The following NSUN7 variants were observed in gnomAD, a reference collection of about 807,000 sequenced individuals.
The protein encoded by NSUN7 is protein NSUN7.
A neutral mutation model predicts 58.5 loss-of-function variants in NSUN7; 39 were observed. The ratio of observed to expected loss-of-function variants is 0.67; its 90% CI spans 0.52 to 0.87. NSUN7 has a LOEUF of 0.87. Ranked by LOEUF, NSUN7 falls within the 40% of genes least tolerant of loss-of-function variation. The probability of loss-of-function intolerance (pLI) is 0.00; values close to 1 mark genes in which losing one functional copy is unlikely to be tolerated. For missense variants in NSUN7, 765 were observed against 844.1 expected (o/e 0.91, Z 1.16); for synonymous variants, 278 against 303.7 (o/e 0.92, Z 0.88).
chr4:40,783,334 G>A (rs1377575768), intron 7 of NSUN7, among the ~76,000 whole-genome samples: 2 of 152,126 alleles, frequency 1.3e-5, no homozygotes, highest in African/African-American at 4.8e-5. Flanking sequence ...AAAATTGGAT[G>A]CATATCTCAA....
intron 4 of NSUN7, among the ~76,000 whole-genome samples, chr4:40,764,953 T>G (rs1308768294): frequency 5.3e-5 from 8 of 151,022 alleles, no homozygotes; most frequent in African/African-American, 1.9e-4. Flanking sequence ...TAAATTTGTT[T>G]GAGTTCATTG....
chr4:40,766,716 GT>G (rs1741747225), intron 4 of NSUN7, among the ~76,000 whole-genome samples: 1 of 151,988 alleles, frequency 6.6e-6, no homozygotes, highest in Non-Finnish European at 1.5e-5. Context: ...TGGTCCTGGA[GT>G]TTTTTTGGTT....
chr4:40,788,602 G>A (rs1742940258), intron 7 of NSUN7, among the ~76,000 whole-genome samples: 1 of 152,174 alleles, frequency 6.6e-6, no homozygotes, highest in South Asian at 2.1e-4. Flanking sequence ...GTCATTAGAG[G>A]GTGCCGAGAG....
chr4:40,793,033 C>G (rs1395784555), intron 8 of NSUN7, among the ~76,000 whole-genome samples: 1 of 152,014 alleles, frequency 6.6e-6, no homozygotes, highest in Non-Finnish European at 1.5e-5. Flanking sequence ...TCCTTGCTAA[C>G]GACTTGGAAT....
chr4:40,797,578 G>C (rs1743375653), intron 9 of NSUN7, among the ~76,000 whole-genome samples: 1 of 152,192 alleles, frequency 6.6e-6, no homozygotes, highest in Non-Finnish European at 1.5e-5. Flanking sequence ...CAGTCTGTCA[G>C]TGTATGAGGT....
Position 40,776,102 on chromosome 4 carries a change from T to C in NSUN7, c.879T>C (p.Asp293=). The C allele has an allele frequency of 1.1e-5, 17 of 1,610,264 alleles. No homozygotes were observed. Among genetic ancestry groups the C allele is most frequent in the Non-Finnish European group, 1.4e-5 (16 of 1,177,840 alleles). ...VHSVKALLNM[D]DDVLMVNTGS... Reference sequence around the variant, plus strand: ...CTGTAAAGGCTTTATTAAATATGGATGATGATGTCTTAATGGTCAATACAG... The same window carrying C: ...CTGTAAAGGCTTTATTAAATATGGACGATGATGTCTTAATGGTCAATACAG... Residue 293 remains aspartate (D), a synonymous_variant, in exon 7 of 12, where the codon GAT becomes GAC. Coordinates refer to ENST00000381782, the MANE Select transcript of NSUN7 (RefSeq NM_024677.6).
rs141188918 is a variant in NSUN7 at position 40,774,860 on chromosome 4, A to G, written c.735A>G (p.Gln245=). The change falls in exon 6 of 12, where the codon CAA becomes CAG. Residue 245 remains glutamine, a synonymous_variant. Coordinates refer to ENST00000381782, the MANE Select transcript of NSUN7 (RefSeq NM_024677.6). ...ATGATAAAGTCTTTGCTGTGGATCA[A>G]CATTGCTATGATGTCTTAATTTTTC... is the stretch of plus-strand genomic sequence containing the variant. ...HIDDKVFAVD[Q]HCYDVLIFPS... is the part of the protein sequence containing the mutation. The G allele has an allele frequency of 3.2e-5, 47 of 1,470,786 alleles. No individual in the cohort carries two copies. The African/African-American group carries it at 5.4e-4, about 17-fold the overall frequency. The allele number at this position is 1,470,786 out of a possible 1,614,324, so 91.1% of individuals were successfully genotyped here.
chr4:40,782,283 C>T (rs1742611731), intron 7 of NSUN7, among the ~76,000 whole-genome samples: 1 of 151,970 alleles, frequency 6.6e-6, no homozygotes, highest in Non-Finnish European at 1.5e-5. Context: ...CAAAATATCA[C>T]TTAAAGAAAT....
chr4:40,790,936 C>G (rs2154288626), intron 8 of NSUN7, among the ~76,000 whole-genome samples, 191 bp downstream of exon 8: 1 of 152,046 alleles, frequency 6.6e-6, no homozygotes, highest in South Asian at 2.1e-4. Context: ...TCCAATAGAC[C>G]AGGGTGATAT....
intron 7 of NSUN7, among the ~76,000 whole-genome samples, chr4:40,777,841 C>T (rs1742344677): frequency 1.4e-5 from 2 of 147,122 alleles, no homozygotes; most frequent in South Asian, 4.2e-4. Flanking sequence ...ATCAAGCAAT[C>T]CTCCTGCCTC....
chr4:40,765,641 G>A (rs1741688734), intron 4 of NSUN7, among the ~76,000 whole-genome samples: 3 of 152,112 alleles, frequency 2.0e-5, no homozygotes, highest in Admixed American at 2.0e-4. Context: ...GCTTGATGGG[G>A]ATGGCATTGA....
chr4:40,774,453 C>A, intron 5 of NSUN7, 36 bp downstream of exon 5: 1 of 1,586,452 alleles, frequency 6.3e-7, no homozygotes, highest in South Asian at 1.1e-5. Flanking sequence ...TATTTCAAGT[C>A]TCCATCCTTT....
intron 11 of NSUN7, 70 bp from the exon 12 acceptor site, chr4:40,808,237 T>TTGA: frequency 6.8e-7 from 1 of 1,481,222 alleles, no homozygotes; most frequent in African/African-American, 1.4e-5. Context: ...TACTGATACA[T>TTGA]TGATAAATAT....
rs1742225620 is a variant in NSUN7, at chr4:40,775,620, C to T, written c.826-429C>T. 6.6e-6 allele frequency among the ~76,000 whole-genome samples: 1 copy of T among 152,090 alleles called. No homozygotes were observed. The highest frequency in any genetic ancestry group is 2.4e-5 in the African/African-American group (1 of 41,416). ...AACTGCAGAAGCCCAACCTGTCAAG[C>T]CCCCTTTGATGAGCTTCTCAAATAT... is the stretch of plus-strand genomic sequence containing the variant. On this transcript the variant is annotated intron_variant, in intron 6 of 11. Coordinates refer to ENST00000381782, the MANE Select transcript of NSUN7 (RefSeq NM_024677.6). The surrounding 1 kb of genome is among the most constrained non-coding windows in gnomAD (Gnocchi z 4.3).
chr4:40,755,517 C>A (rs1741099334), intron 2 of NSUN7, among the ~76,000 whole-genome samples: 1 of 152,124 alleles, frequency 6.6e-6, no homozygotes, highest in Non-Finnish European at 1.5e-5. Context: ...TCTTTCTCCA[C>A]CTTCTCTAGG....
In NSUN7 at chr4:40,756,852, A is replaced by G. The variant is rs955711676; in HGVS notation, c.299-3582A>G. Among the ~76,000 whole-genome samples, 17 of 148,598 alleles carry G rather than the reference A, an allele frequency of 1.1e-4. No individual in the cohort carries two copies. In the East Asian group the frequency reaches 2.9e-3, roughly 25 times the overall value. On this transcript the variant is annotated intron_variant, in intron 2 of 11. Transcript: ENST00000381782. ...TCCCCTTTACCATGATGTAAAAGCTATACACATTCAGTAGAAACCATACTT... is the reference window on the plus strand; with the variant it reads ...TCCCCTTTACCATGATGTAAAAGCTGTACACATTCAGTAGAAACCATACTT...
intron 2 of NSUN7, among the ~76,000 whole-genome samples, chr4:40,753,168 TAATGCATTA>T (rs1417597941): frequency 3.0e-4 from 46 of 152,322 alleles, no homozygotes; most frequent in African/African-American, 1.1e-3. Context: ...TATATAAAAT[TAATGCATTA>T]ACTAAATGAT....
chr4:40,783,370 TG>T (rs1742664672), intron 7 of NSUN7, among the ~76,000 whole-genome samples: 1 of 152,108 alleles, frequency 6.6e-6, no homozygotes, highest in Non-Finnish European at 1.5e-5. Flanking sequence ...TAACTCAAAA[TG>T]GATCAAAAAT....
Position 40,775,520 on chromosome 4 carries a change from G to C in NSUN7, c.826-529G>C, listed in dbSNP as rs1394647346. The C allele has an allele frequency of 6.5e-6, 1 of 152,692 alleles. No homozygotes were observed. Among genetic ancestry groups the C allele is most frequent in the African/African-American group, 2.4e-5 (1 of 41,444 alleles). 9.5% of individuals were successfully genotyped at this position (152,692 alleles called of 1,614,324 possible). A position where few individuals can be genotyped will look rare whatever the true frequency, so the allele number is the denominator to read the frequency against. On this transcript the variant is annotated intron_variant, in intron 6 of 11. Coordinates refer to ENST00000381782, the MANE Select transcript of NSUN7 (RefSeq NM_024677.6). This position sits in a 1 kb window ranked among gnomAD's most constrained non-coding sequence, Gnocchi z 4.3. Reference sequence around the variant, plus strand: ...CCAATTATTGCCTCAGATATACCTTGATCTTCTAAGGTTTATCCCTTTTCC... The same window carrying C: ...CCAATTATTGCCTCAGATATACCTTCATCTTCTAAGGTTTATCCCTTTTCC...
Sources: gnomAD v4.1 joint callset for allele counts (sites outside exome capture counted in the v4.1 genomes callset) on GRCh38, gnomAD v4.1.1 for gene constraint, Gnocchi (gnomAD v3.1) non-coding constraint, MANE v1.5 for transcripts, NCBI Gene and HGNC (gene_info 2026-07-23, HGNC 2026-07-21) for gene names.